SMIM5: variants seen among roughly 807,000 people sequenced by gnomAD.
SMIM5 encodes the protein chromosome 17 open reading frame 109.
A neutral mutation model predicts 4.0 loss-of-function variants in SMIM5; 4 were observed. The observed-to-expected ratio is 1.01, with a 90% CI of 0.50 to 2.30. The LOEUF (loss-of-function observed/expected upper bound fraction) is 2.30, where lower values mean the gene tolerates loss of function less well. Among genes scored for constraint, SMIM5 ranks in the 30% most tolerant of loss-of-function variants. The pLI, the probability that SMIM5 is intolerant of heterozygous loss-of-function variation, is 0.02. For synonymous variants in SMIM5, 46 were observed against 43.6 expected, an observed-to-expected ratio of 1.05 and a Z score of -0.22; for missense variants, 107 against 99.2, an observed-to-expected ratio of 1.08 and a Z score of -0.34.
intron 1 of SMIM5, chr17:75,635,654 T>C (rs1233726348): frequency 2.4e-6 from 1 of 418,048 alleles, no homozygotes; most frequent in African/African-American, 2.2e-5. Flanking sequence ...CACAGGACCC[T>C]GCAAATCTCC....
chr17:75,641,018 C>T lies in SMIM5; in HGVS notation c.*121C>T. The T allele has an allele frequency of 6.8e-7, 1 of 1,460,024 alleles. No homozygotes were observed. The highest frequency in any genetic ancestry group is 2.5e-5 in the East Asian group (1 of 39,798). The allele number at this position is 1,460,024 out of a possible 1,614,324, so 90.4% of individuals were successfully genotyped here. A position where few individuals can be genotyped will look rare whatever the true frequency, so the allele number is the denominator to read the frequency against. ...CAGGCTCCCCTGGCCCCAGCTCTGG[C>T]CCAGCCCAGGTACCTGGACACTGAC... is the stretch of plus-strand genomic sequence containing the variant. On this transcript the variant is annotated 3_prime_UTR_variant, in exon 3 of 3. Coordinates refer to ENST00000375215, the MANE Select transcript of SMIM5 (RefSeq NM_001162995.3).
chr17:75,639,883 A>C, intron 1 of SMIM5: 4 of 270,646 alleles, frequency 1.5e-5, no homozygotes, highest in Non-Finnish European at 2.1e-5. Flanking sequence ...AGACAAGGGA[A>C]TGGAACAGCG....
At position 75,634,036 on chromosome 17, in the gene SMIM5, C is replaced by T. The variant is rs1212332017; in HGVS notation, c.-203C>T. 1.6e-5 allele frequency: 16 copies of T among 985,440 alleles called. No homozygotes were observed. Among genetic ancestry groups the T allele is most frequent in the Non-Finnish European group, 1.9e-5 (16 of 830,028 alleles). The allele number at this position is 985,440 out of a possible 1,614,324, so 61.0% of individuals were successfully genotyped here. A position where few individuals can be genotyped will look rare whatever the true frequency, so the allele number is the denominator to read the frequency against. On this transcript the variant is annotated 5_prime_UTR_variant, in exon 1 of 3. It adds an upstream start codon to the 5' untranslated region. Coordinates refer to ENST00000375215, the MANE Select transcript of SMIM5 (RefSeq NM_001162995.3). ...TAATTTGACACTTGGATCTCCAGGA[C>T]GACCAACAACAAAAAAGCCAGGCAG...
chr17:75,633,686 G>C lies in SMIM5; in HGVS notation c.-553G>C. ...GGGACCAGCCAGGGAGTGGCCAGAGGGACAGAAGGGGTGGCCTTCCTGAGG... is the reference window on the plus strand; with the variant it reads ...GGGACCAGCCAGGGAGTGGCCAGAGCGACAGAAGGGGTGGCCTTCCTGAGG... On this transcript the variant is annotated 5_prime_UTR_variant, in exon 1 of 3. Transcript: ENST00000375215. The C allele has an allele frequency of 8.7e-7, 1 of 1,143,378 alleles. No homozygotes were observed. Among genetic ancestry groups the C allele is most frequent in the Non-Finnish European group, 1.1e-6 (1 of 917,510 alleles). 70.8% of individuals were successfully genotyped at this position (1,143,378 alleles called of 1,614,324 possible).
intron 1 of SMIM5, chr17:75,635,715 C>A (rs2059308805): frequency 1.1e-6 from 1 of 875,068 alleles, no homozygotes; most frequent in Non-Finnish European, 1.4e-6. Context: ...CGAGATAATG[C>A]CCAACAGGGC....
At chr17:75,634,963 G>A (rs140854485) in intron 1 of SMIM5, among the ~76,000 whole-genome samples, 4 of 152,266 alleles carry the variant, frequency 2.6e-5, no homozygotes, top group East Asian at 1.9e-4. Flanking sequence ...AGCAGGACCC[G>A]GCTGTTTGGT....
chr17:75,635,711 A>G (rs1001829817), intron 1 of SMIM5: 1 of 822,532 alleles, frequency 1.2e-6, no homozygotes, highest in Non-Finnish European at 1.5e-6. Flanking sequence ...CAAACGAGAT[A>G]ATGCCCAACA....
At position 75,640,910 on chromosome 17, in the gene SMIM5, G is replaced by A; in HGVS notation, c.*13G>A. On this transcript the variant is annotated 3_prime_UTR_variant, in exon 3 of 3. Transcript: ENST00000375215. The surrounding 1 kb of genome is among the most constrained non-coding windows in gnomAD (Gnocchi z 4.6). ...GACACCACCATGACGGACGGGCGAT[G>A]GCTGAGGAGAAGCTGGAGAGGAGAT... 4 of 1,541,296 alleles carry A rather than the reference G, an allele frequency of 2.6e-6. No individual in the cohort carries two copies. The highest frequency in any genetic ancestry group is 3.5e-6 in the Non-Finnish European group (4 of 1,146,532).
Position 75,641,114 on chromosome 17 carries a change from T to A in SMIM5, c.*217T>A. 3.9e-6 allele frequency: 3 copies of A among 768,328 alleles called. No individual in the cohort carries two copies. Among genetic ancestry groups the A allele is most frequent in the Non-Finnish European group, 5.9e-6 (3 of 508,878 alleles). The allele number at this position is 768,328 out of a possible 1,614,324, so 47.6% of individuals were successfully genotyped here. ...CTCTCATCTGCCAGTGGACACTGGGTGCTGGGGAGTCAGCTGTTTCAAAGA... is the reference window on the plus strand; with the variant it reads ...CTCTCATCTGCCAGTGGACACTGGGAGCTGGGGAGTCAGCTGTTTCAAAGA... On this transcript the variant is annotated 3_prime_UTR_variant, in exon 3 of 3. Coordinates refer to ENST00000375215, the MANE Select transcript of SMIM5 (RefSeq NM_001162995.3).
At position 75,640,479 on chromosome 17, in the gene SMIM5, C is replaced by G. The variant is rs1162187056; in HGVS notation, c.127+151C>G. Among the ~76,000 whole-genome samples, 3 of 152,132 alleles carry G rather than the reference C, an allele frequency of 2.0e-5. No homozygotes were observed. Among genetic ancestry groups the G allele is most frequent in the Non-Finnish European group, 4.4e-5 (3 of 68,008 alleles). On this transcript the variant is annotated intron_variant, in intron 2 of 2. Transcript: ENST00000375215. This position sits in a 1 kb window ranked among gnomAD's most constrained non-coding sequence, Gnocchi z 4.6. ...CCCTTGGGGGAAGCCAAGGGACTTCCCTCATCCTCTGATATGCTGCTTGGG... is the reference window on the plus strand; with the variant it reads ...CCCTTGGGGGAAGCCAAGGGACTTCGCTCATCCTCTGATATGCTGCTTGGG...
At position 75,634,026 on chromosome 17, in the gene SMIM5, A is replaced by C; in HGVS notation, c.-213A>C. 1.0e-6 allele frequency: 1 copy of C among 985,464 alleles called. No individual in the cohort carries two copies. Among genetic ancestry groups the C allele is most frequent in the Non-Finnish European group, 1.2e-6 (1 of 829,996 alleles). The allele number at this position is 985,464 out of a possible 1,614,324, so 61.0% of individuals were successfully genotyped here. ...CTCGCGACGGTAATTTGACACTTGGATCTCCAGGACGACCAACAACAAAAA... is the reference window on the plus strand; with the variant it reads ...CTCGCGACGGTAATTTGACACTTGGCTCTCCAGGACGACCAACAACAAAAA... On this transcript the variant is annotated 5_prime_UTR_variant, in exon 1 of 3. Coordinates refer to ENST00000375215, the MANE Select transcript of SMIM5 (RefSeq NM_001162995.3).
At position 75,636,508 on chromosome 17, in the gene SMIM5, A is replaced by T. The variant is rs914714631; in HGVS notation, c.-37+2306A>T. On this transcript the variant is annotated intron_variant, in intron 1 of 2. Transcript: ENST00000375215. The surrounding 1 kb of genome is among the most constrained non-coding windows in gnomAD (Gnocchi z 5.4). Reference sequence around the variant, plus strand: ...CATGTTCCCCTCGCCACAGCTGGGAACACTAAGGTTCCCTTAGGAGCAGCG... The same window carrying T: ...CATGTTCCCCTCGCCACAGCTGGGATCACTAAGGTTCCCTTAGGAGCAGCG... 6.6e-6 allele frequency: 1 copy of T among 152,202 alleles called. No individual in the cohort carries two copies. Among genetic ancestry groups the T allele is most frequent in the Non-Finnish European group, 1.5e-5 (1 of 68,046 alleles). The allele number at this position is 152,202 out of a possible 1,614,324, so 9.4% of individuals were successfully genotyped here.
chr17:75,634,748 G>C (rs2148257160), intron 1 of SMIM5, among the ~76,000 whole-genome samples: 1 of 152,326 alleles, frequency 6.6e-6, no homozygotes, highest in South Asian at 2.1e-4. Context: ...TCCTCCCTGG[G>C]CCCATCTAGA....
chr17:75,637,240 C>T (rs895124452), intron 1 of SMIM5: 4 of 152,484 alleles, frequency 2.6e-5, no homozygotes, highest in African/African-American at 9.6e-5. Flanking sequence ...GGGTGTGGCA[C>T]AAGCGAAAAA....
rs2059428250 is a variant in SMIM5, at chr17:75,641,112, G to A, written c.*215G>A. The A allele has an allele frequency of 1.3e-6, 1 of 799,322 alleles. No individual in the cohort carries two copies. Among genetic ancestry groups the A allele is most frequent in the African/African-American group, 1.7e-5 (1 of 57,858 alleles). The allele number at this position is 799,322 out of a possible 1,614,324, so 49.5% of individuals were successfully genotyped here. On this transcript the variant is annotated 3_prime_UTR_variant, in exon 3 of 3. Transcript: ENST00000375215. ...ACCTCTCATCTGCCAGTGGACACTG[G>A]GTGCTGGGGAGTCAGCTGTTTCAAA... is the stretch of plus-strand genomic sequence containing the variant.
Position 75,640,192 on chromosome 17 carries a change from C to T in SMIM5, c.-10C>T, listed in dbSNP as rs754604476. 16 of 1,542,272 alleles carry T rather than the reference C, an allele frequency of 1.0e-5. No homozygotes were observed. The highest frequency in any genetic ancestry group is 4.0e-5 in the Admixed American group (2 of 50,132). ...GCCCGGCAGGAGCCCCAACAGGAAG[C>T]CAGCGCGGCATGGCTGCCACCGACT... On this transcript the variant is annotated 5_prime_UTR_variant, in exon 2 of 3. Coordinates refer to ENST00000375215, the MANE Select transcript of SMIM5 (RefSeq NM_001162995.3). This position sits in a 1 kb window ranked among gnomAD's most constrained non-coding sequence, Gnocchi z 4.6.
chr17:75,635,773 A>C (rs1194158293), intron 1 of SMIM5: 2 of 984,864 alleles, frequency 2.0e-6, no homozygotes, highest in Non-Finnish European at 2.4e-6. Flanking sequence ...CAGAGCAAGC[A>C]GCCCTCTGGG....
chr17:75,634,521 G>C (rs995642389), intron 1 of SMIM5, among the ~76,000 whole-genome samples: 3 of 152,238 alleles, frequency 2.0e-5, no homozygotes, highest in Non-Finnish European at 4.4e-5. Context: ...GCTTAAAAGA[G>C]GGATTTGGCT....
At position 75,641,020 on chromosome 17, in the gene SMIM5, C is replaced by CAG; in HGVS notation, c.*124_*125dup. ...GGCTCCCCTGGCCCCAGCTCTGGCC[C>CAG]AGCCCAGGTACCTGGACACTGACAA... On this transcript the variant is annotated 3_prime_UTR_variant, in exon 3 of 3. Coordinates refer to ENST00000375215, the MANE Select transcript of SMIM5 (RefSeq NM_001162995.3). 1.4e-6 allele frequency: 2 copies of CAG among 1,457,638 alleles called. No individual in the cohort carries two copies. Among genetic ancestry groups the CAG allele is most frequent in the Non-Finnish European group, 1.8e-6 (2 of 1,098,360 alleles). 90.3% of individuals were successfully genotyped at this position (1,457,638 alleles called of 1,614,324 possible). A position where few individuals can be genotyped will look rare whatever the true frequency, so the allele number is the denominator to read the frequency against.
Sources: gnomAD v4.1 joint callset for allele counts (sites outside exome capture counted in the v4.1 genomes callset) on GRCh38, gnomAD v4.1.1 for gene constraint, Gnocchi (gnomAD v3.1) non-coding constraint, MANE v1.5 for transcripts, NCBI Gene and HGNC (gene_info 2026-07-23, HGNC 2026-07-21) for gene names.